RNF13: variants seen among roughly 807,000 people sequenced by gnomAD.
RNF13 encodes ring finger protein 13.
In RNF13, 19 loss-of-function variants were observed where a neutral mutation model predicts 37.7. That is an observed-to-expected ratio of 0.50 (90% CI 0.35 to 0.74). The LOEUF is 0.74. RNF13 is among the 30% of genes least tolerant of loss of function. RNF13 has a pLI of 0.01. For synonymous variants in RNF13, 144 were observed against 157.8 expected (o/e 0.91, Z 0.65); for missense variants, 375 against 453.0 (o/e 0.83, Z 1.56).
At chr3:149,841,899 G>A (rs1446863641) in intron 1 of RNF13, among the ~76,000 whole-genome samples, 1 of 152,130 alleles carries the variant, frequency 6.6e-6, no homozygotes, top group Non-Finnish European at 1.5e-5. Context: ...CAAAGTGTTA[G>A]GATTACAGGT....
At chr3:149,920,861 GCAAA>G (rs1024927349) in intron 7 of RNF13, among the ~76,000 whole-genome samples, 1 of 142,926 alleles carries the variant, frequency 7.0e-6, no homozygotes, top group East Asian at 2.0e-4. Context: ...ATTTTTGCAA[GCAAA>G]CAGTTATATG....
intron 6 of RNF13, among the ~76,000 whole-genome samples, chr3:149,911,185 T>C (rs1200705235): frequency 6.6e-6 from 1 of 152,190 alleles, no homozygotes; most frequent in African/African-American, 2.4e-5. Flanking sequence ...AACAGATACA[T>C]GTAAAGCAGA....
chr3:149,863,979 T>C (rs1172144450), intron 3 of RNF13, among the ~76,000 whole-genome samples: 1 of 150,574 alleles, frequency 6.6e-6, no homozygotes, highest in Non-Finnish European at 1.5e-5. Context: ...TTTTGTTGCA[T>C]GTAGCTGGAA....
intron 4 of RNF13, among the ~76,000 whole-genome samples, chr3:149,885,833 A>T (rs1014202029): frequency 3.9e-5 from 6 of 152,122 alleles, no homozygotes; most frequent in Non-Finnish European, 8.8e-5. Context: ...GATTTTCCCC[A>T]ATGTTTTCTT....
At chr3:149,856,663 G>A (rs991052610) in intron 3 of RNF13, among the ~76,000 whole-genome samples, 4 of 152,010 alleles carry the variant, frequency 2.6e-5, no homozygotes, top group Admixed American at 2.0e-4. Context: ...GGCTGGTTGC[G>A]AACCCCTGGC....
chr3:149,850,298 A>G (rs1723014589), intron 2 of RNF13, among the ~76,000 whole-genome samples: 2 of 152,148 alleles, frequency 1.3e-5, no homozygotes, highest in African/African-American at 4.8e-5. Context: ...CAGATTTTTA[A>G]ACAGTGAACA....
rs140626796 is a variant in RNF13 at position 149,930,432 on chromosome 3, G to A, written c.700+9205G>A. ...AAGTTGGGCATCCCACTTGGTCATG[G>A]TGTATAATTTTTTATATACGGATAT... On this transcript the variant is annotated intron_variant, in intron 8 of 9. Transcript: ENST00000392894. 1.8e-3 allele frequency among the ~76,000 whole-genome samples: 275 copies of A among 152,266 alleles called. 1 individual carries two copies. The highest frequency in any genetic ancestry group is 6.1e-3 in the African/African-American group (254 of 41,556).
upstream of RNF13, chr3:149,812,838 C>CCGGCCCTGCCCGCTCAGACT (rs1719039277): frequency 1.3e-5 from 2 of 152,216 alleles, no homozygotes; most frequent in Non-Finnish European, 2.9e-5. Context: ...CAGATCAGAC[C>CCGGCCCTGCCCGCTCAGACT]GACCGGCCCT....
chr3:149,946,106 A>C (rs1337309647), intron 8 of RNF13, among the ~76,000 whole-genome samples: 2 of 152,238 alleles, frequency 1.3e-5, no homozygotes, highest in Non-Finnish European at 2.9e-5. Flanking sequence ...GCTTCAGACG[A>C]TCAAATTTCT....
At chr3:149,846,205 G>A in intron 2 of RNF13, 65 bp downstream of exon 2, 1 of 1,051,352 alleles carries the variant, frequency 9.5e-7, no homozygotes, top group Non-Finnish European at 1.4e-6. Context: ...AAAAAAGCCT[G>A]GAATGATATT....
chr3:149,942,706 AT>A (rs1720391167), intron 8 of RNF13, among the ~76,000 whole-genome samples: 1 of 152,080 alleles, frequency 6.6e-6, no homozygotes, highest in Non-Finnish European at 1.5e-5. Context: ...TTCTTGTCTA[AT>A]TGCTCTGGAT....
intron 1 of RNF13, among the ~76,000 whole-genome samples, chr3:149,822,858 C>T (rs186885684): frequency 1.3e-5 from 2 of 152,102 alleles, no homozygotes; most frequent in East Asian, 1.9e-4. Context: ...TACAGAGATC[C>T]ATGAATAATA....
Position 149,902,791 on chromosome 3 carries a change from G to T in RNF13, c.500+629G>T, listed in dbSNP as rs139980661. On this transcript the variant is annotated intron_variant, in intron 6 of 9. Coordinates refer to ENST00000392894, the MANE Select transcript of RNF13 (RefSeq NM_183381.3). Reference sequence around the variant, plus strand: ...TCCATGACACACAGATCCCCAAAACGTAGTTGACCAGAACAGACTTTGGTC... The same window carrying T: ...TCCATGACACACAGATCCCCAAAACTTAGTTGACCAGAACAGACTTTGGTC... Among the ~76,000 whole-genome samples the T allele has an allele frequency of 2.8e-3, 433 of 152,152 alleles. 2 individuals are homozygous for T. The highest frequency in any genetic ancestry group is 1.0e-2 in the African/African-American group (414 of 41,542).
At chr3:149,947,148 T>G (rs1239882007) in intron 8 of RNF13, among the ~76,000 whole-genome samples, 1 of 152,234 alleles carries the variant, frequency 6.6e-6, no homozygotes, top group Admixed American at 6.5e-5. Flanking sequence ...GACTTCAATC[T>G]TCTTACATTT....
chr3:149,912,070 T>C lies in RNF13; in HGVS notation c.593T>C (p.Ile198Thr), dbSNP rs1322487620. ...LIIVGICLIL[I>T]VIFMITKFVQ... ...ATAGTGGGCATCTGTCTCATCTTGA[T>C]AGTCATTTTCATGGTAGGTACATTA... Residue 198 changes from isoleucine (I) to threonine (T), a missense_variant, in exon 7 of 10, where the codon ATA becomes ACA. Physicochemically the swap from Ile to Thr is moderately conservative, Grantham distance 89 (BLOSUM62 -1). Transcript: ENST00000392894. The C allele has an allele frequency of 6.5e-7, 1 of 1,531,650 alleles. No individual in the cohort carries two copies. The highest frequency in any genetic ancestry group is 1.1e-5 in the South Asian group (1 of 87,858). 94.9% of individuals were successfully genotyped at this position (1,531,650 alleles called of 1,614,324 possible).
At chr3:149,827,102 A>G (rs556875822) in intron 1 of RNF13, among the ~76,000 whole-genome samples, 1 of 152,308 alleles carries the variant, frequency 6.6e-6, no homozygotes, top group South Asian at 2.1e-4. Flanking sequence ...GGCCCTCTGT[A>G]TCCATGGCTC....
intron 6 of RNF13, among the ~76,000 whole-genome samples, chr3:149,906,048 G>A (rs1294238259): frequency 6.6e-6 from 1 of 151,762 alleles, no homozygotes; most frequent in East Asian, 1.9e-4. Flanking sequence ...CTGTCTTTAT[G>A]GATTTGTCTA....
intron 3 of RNF13, among the ~76,000 whole-genome samples, chr3:149,854,089 G>C (rs1451638960): frequency 3.3e-5 from 5 of 151,906 alleles, no homozygotes; most frequent in Non-Finnish European, 5.9e-5. Flanking sequence ...GCCCACCTTA[G>C]CCTCCCAAAG....
intron 6 of RNF13, among the ~76,000 whole-genome samples, chr3:149,909,691 A>G (rs1716791935): frequency 6.6e-6 from 1 of 152,154 alleles, no homozygotes; most frequent in South Asian, 2.1e-4. Context: ...TATGTAGAAT[A>G]TTAGATTTAG....
Sources: allele counts gnomAD v4.1 joint callset (sites outside exome capture counted in the v4.1 genomes callset), GRCh38; gene constraint gnomAD v4.1.1; transcripts MANE v1.5; gene names NCBI Gene and HGNC (gene_info 2026-07-23, HGNC 2026-07-21).